Variants in PRICKLE2 observed in about 807,000 individuals in gnomAD.
PRICKLE2 encodes the protein prickle-like protein 2.
A neutral mutation model predicts 81.4 loss-of-function variants in PRICKLE2; 21 were observed. That is an observed-to-expected ratio of 0.26 (90% CI 0.18 to 0.37). The LOEUF (loss-of-function observed/expected upper bound fraction) is 0.37. Ranked by LOEUF, PRICKLE2 falls within the 10% of genes least tolerant of loss-of-function variation. The pLI, the probability that PRICKLE2 is intolerant of heterozygous loss-of-function variation, is 1.00. For synonymous variants in PRICKLE2, 456 were observed against 421.5 expected (o/e 1.08, Z -1.00); for missense variants, 940 against 1,109.0 (o/e 0.85, Z 2.16).
chr3:64,260,652 T>A lies in PRICKLE2; in HGVS notation c.129-61685A>T, dbSNP rs533772447. 3.3e-5 allele frequency among the ~76,000 whole-genome samples: 5 copies of A among 152,356 alleles called. No homozygotes were observed. The South Asian group carries it at 1.0e-3, about 32-fold the overall frequency. On this transcript the variant is annotated intron_variant, in intron 2 of 8. Transcript: ENST00000295902. ...TCCTCTCGTCCGGGGAAGGACATCC[T>A]CTTCCCTGCCAATATCTGTTGATGT...
intron 2 of PRICKLE2, among the ~76,000 whole-genome samples, chr3:64,176,647 G>A (rs1040456618): frequency 4.6e-5 from 7 of 152,284 alleles, no homozygotes; most frequent in Admixed American, 2.6e-4. Flanking sequence ...TTAGAATACA[G>A]GTAACCTTTG....
chr3:64,159,151 T>C (rs761832745), intron 4 of PRICKLE2, among the ~76,000 whole-genome samples: 2 of 152,158 alleles, frequency 1.3e-5, no homozygotes. Flanking sequence ...TCCAGAATCT[T>C]GAACGCAGTG....
chr3:64,193,027 G>C (rs2078374920), intron 2 of PRICKLE2, among the ~76,000 whole-genome samples: 1 of 152,132 alleles, frequency 6.6e-6, no homozygotes, highest in Non-Finnish European at 1.5e-5. Context: ...AGACATACCA[G>C]TTATGATCTT....
At chr3:64,170,028 C>T (rs2077903147) in intron 2 of PRICKLE2, among the ~76,000 whole-genome samples, 1 of 152,046 alleles carries the variant, frequency 6.6e-6, no homozygotes, top group African/African-American at 2.4e-5. Context: ...GTTCATTTTG[C>T]CCCTATTTGC....
At chr3:64,186,331 G>A (rs1243679073) in intron 2 of PRICKLE2, among the ~76,000 whole-genome samples, 1 of 152,202 alleles carries the variant, frequency 6.6e-6, no homozygotes, top group Non-Finnish European at 1.5e-5. Context: ...TTCAGAAGAT[G>A]AGATGAAAGT....
At chr3:64,226,807 G>A (rs2079038055), upstream of PRICKLE2, among the ~76,000 whole-genome samples, 1 of 152,204 alleles carries the variant, frequency 6.6e-6, no homozygotes, top group African/African-American at 2.4e-5. Flanking sequence ...AGAGGCAAGA[G>A]CCAGGCAATA....
chr3:64,250,805 C>G (rs1241590876), intron 2 of PRICKLE2, among the ~76,000 whole-genome samples: 5 of 152,192 alleles, frequency 3.3e-5, no homozygotes, highest in African/African-American at 1.2e-4. Flanking sequence ...TTGGCATGGT[C>G]TTATAGACAC....
At chr3:64,237,222 G>T (rs1386975228) in intron 2 of PRICKLE2, among the ~76,000 whole-genome samples, 1 of 152,180 alleles carries the variant, frequency 6.6e-6, no homozygotes, top group African/African-American at 2.4e-5. Context: ...TCTGTGGATG[G>T]CTTAAGTGTT....
At chr3:64,222,612 G>T (rs1005433877) in intron 1 of PRICKLE2, among the ~76,000 whole-genome samples, 1 of 152,118 alleles carries the variant, frequency 6.6e-6, no homozygotes, top group Admixed American at 6.6e-5. Context: ...AGGCAGGCAG[G>T]GGAGGGCTAT....
chr3:64,213,077 CTT>C (rs374873926), intron 1 of PRICKLE2, among the ~76,000 whole-genome samples: 1,613 of 125,442 alleles, frequency 0.013, 27 homozygotes, highest in African/African-American at 0.048. Flanking sequence ...GTTTTTTGTT[CTT>C]TTTTTTTTTT....
intron 2 of PRICKLE2, among the ~76,000 whole-genome samples, chr3:64,178,989 TTC>T (rs577327617): frequency 6.9e-6 from 1 of 145,276 alleles, no homozygotes; most frequent in African/African-American, 2.6e-5. Context: ...CTTTCTTTCT[TTC>T]TTTCTTTCTT....
At chr3:64,209,791 TA>T (rs1444425977) in intron 1 of PRICKLE2, among the ~76,000 whole-genome samples, 5 of 152,152 alleles carry the variant, frequency 3.3e-5, no homozygotes, top group Non-Finnish European at 5.9e-5. Context: ...AACAAACAGA[TA>T]AACCTGCCAT....
intron 2 of PRICKLE2, among the ~76,000 whole-genome samples, chr3:64,168,437 G>A (rs146956439): frequency 3.4e-3 from 517 of 152,254 alleles, no homozygotes; most frequent in Non-Finnish European, 5.4e-3. Flanking sequence ...CTGTTGGGCC[G>A]CATTCAAAGC....
chr3:64,158,469 A>G (rs11711394), intron 4 of PRICKLE2, among the ~76,000 whole-genome samples: 17,206 of 152,258 alleles, frequency 0.11, 1,248 homozygotes, highest in East Asian at 0.22. Flanking sequence ...TCCATTCTAT[A>G]GATGACAAAA....
chr3:64,168,398 CATA>C (rs1403620780), intron 2 of PRICKLE2, among the ~76,000 whole-genome samples: 2 of 152,050 alleles, frequency 1.3e-5, no homozygotes, highest in East Asian at 3.9e-4. Flanking sequence ...AAAAAAATCT[CATA>C]ATGTTTTAAG....
intron 2 of PRICKLE2, among the ~76,000 whole-genome samples, chr3:64,240,442 T>C (rs758048302): frequency 6.6e-6 from 1 of 152,198 alleles, no homozygotes; most frequent in East Asian, 1.9e-4. Context: ...TGGGCCTGAA[T>C]GGAGCCCAAG....
At chr3:64,156,914 G>T (rs1210062919) in intron 5 of PRICKLE2, among the ~76,000 whole-genome samples, 2 of 152,150 alleles carry the variant, frequency 1.3e-5, no homozygotes, top group African/African-American at 4.8e-5. Context: ...GTCACTTGGG[G>T]ATCTTCATGG....
intron 7 of PRICKLE2, among the ~76,000 whole-genome samples, chr3:64,117,245 T>C (rs1559518402): frequency 6.6e-6 from 1 of 152,122 alleles, no homozygotes; most frequent in Non-Finnish European, 1.5e-5. Context: ...GCCACCACCA[T>C]ACTGAATGGG....
chr3:64,250,468 T>G (rs868451432), intron 2 of PRICKLE2, among the ~76,000 whole-genome samples: 2 of 151,838 alleles, frequency 1.3e-5, no homozygotes, highest in Non-Finnish European at 2.9e-5. Flanking sequence ...AGCATGGGGG[T>G]GGGCATACAA....
Sources: allele counts gnomAD v4.1 joint callset (sites outside exome capture counted in the v4.1 genomes callset), GRCh38; gene constraint gnomAD v4.1.1; transcripts MANE v1.5; gene names NCBI Gene and HGNC (gene_info 2026-07-23, HGNC 2026-07-21).